Variants in IFNG-AS1 observed in about 807,000 individuals in gnomAD.
IFNG-AS1 encodes the protein IFNG regulatory antisense RNA 1, also known as IFNG antisense RNA 1 (non-protein coding).
chr12:67,995,313 C>T (rs1864970338), intron 1 of IFNG-AS1, among the ~76,000 whole-genome samples: 1 of 149,624 alleles, frequency 6.7e-6, no homozygotes, highest in Non-Finnish European at 1.5e-5. Flanking sequence ...CCCAGCTACT[C>T]AGGAGGCTGA....
intron 1 of IFNG-AS1, among the ~76,000 whole-genome samples, chr12:67,992,752 A>T (rs1005407415): frequency 6.6e-6 from 1 of 152,184 alleles, no homozygotes; most frequent in African/African-American, 2.4e-5. Flanking sequence ...ACCAAATTAG[A>T]CACTGTTTTT....
chr12:67,989,887 T>C (rs781027619), intron 1 of IFNG-AS1, among the ~76,000 whole-genome samples: 9 of 152,198 alleles, frequency 5.9e-5, no homozygotes, highest in Non-Finnish European at 1.2e-4. Context: ...GAAATGAACA[T>C]GTAGAACATT....
chr12:67,992,793 TG>T (rs1353682885), intron 1 of IFNG-AS1, among the ~76,000 whole-genome samples: 1 of 152,234 alleles, frequency 6.6e-6, no homozygotes, highest in African/African-American at 2.4e-5. Flanking sequence ...AAGCAAGTGT[TG>T]ACTTTGCACA....
chr12:68,006,726 T>A (rs1371562380), intron 3 of IFNG-AS1, among the ~76,000 whole-genome samples: 1 of 152,228 alleles, frequency 6.6e-6, no homozygotes, highest in Non-Finnish European at 1.5e-5. Context: ...CAGAAAGAGA[T>A]TCTCCTGCTG....
Position 67,990,610 on chromosome 12 carries a change from T to C in IFNG-AS1, n.51+1031T>C, listed in dbSNP as rs7314346. ...AAATACATTAATACTTTTTTTTTTTTTGAGATGGAGTCTCGCACTGTCGAC... is the reference window on the plus strand; with the variant it reads ...AAATACATTAATACTTTTTTTTTTTCTGAGATGGAGTCTCGCACTGTCGAC... On this transcript the variant is annotated intron_variant and non_coding_transcript_variant, in intron 1 of 5. Transcript: ENST00000536914. 7.7e-3 allele frequency among the ~76,000 whole-genome samples: 1,154 copies of C among 149,182 alleles called. 17 individuals are homozygous for C. The highest frequency in any genetic ancestry group is 0.026 in the African/African-American group (1,070 of 40,512).
intron 1 of IFNG-AS1, among the ~76,000 whole-genome samples, chr12:67,992,150 A>T (rs1164317913): frequency 2.0e-5 from 3 of 152,174 alleles, no homozygotes; most frequent in Non-Finnish European, 4.4e-5. Context: ...CTCCATAGAC[A>T]CCTACAAATA....
At chr12:68,005,826 T>A (rs1220740070) in intron 2 of IFNG-AS1, among the ~76,000 whole-genome samples, 1 of 152,248 alleles carries the variant, frequency 6.6e-6, no homozygotes, top group Admixed American at 6.5e-5. Flanking sequence ...GCATTTATTA[T>A]TATACCTTTG....
In IFNG-AS1 at chr12:68,001,033, A is replaced by G. The variant is rs187588114; in HGVS notation, n.184+4960A>G. Among the ~76,000 whole-genome samples the G allele has an allele frequency of 4.4e-3, 677 of 152,304 alleles. 6 individuals carry two copies. Among genetic ancestry groups the G allele is most frequent in the African/African-American group, 0.016 (651 of 41,556 alleles). On this transcript the variant is annotated intron_variant and non_coding_transcript_variant, in intron 2 of 5. Transcript: ENST00000536914. The stretch of plus-strand genomic sequence containing the variant: ...GCCTATTTTATAGACCACAAGACTC[A>G]TCACTACTCAATAGTTACCTCACAC...
At chr12:68,009,373 C>T (rs1592826643) in intron 3 of IFNG-AS1, among the ~76,000 whole-genome samples, 1 of 152,166 alleles carries the variant, frequency 6.6e-6, no homozygotes, top group Non-Finnish European at 1.5e-5. Context: ...GAGACAGTCT[C>T]GCTCTGTTGC....
At chr12:68,016,009 T>C (rs571516800) in intron 3 of IFNG-AS1, among the ~76,000 whole-genome samples, 1 of 152,234 alleles carries the variant, frequency 6.6e-6, no homozygotes, top group East Asian at 1.9e-4. Flanking sequence ...ATCTCTCTCA[T>C]TCCTAATCTA....
chr12:68,008,148 G>GGCTCAT (rs1879946405), intron 3 of IFNG-AS1, among the ~76,000 whole-genome samples: 1 of 152,196 alleles, frequency 6.6e-6, no homozygotes, highest in Non-Finnish European at 1.5e-5. Flanking sequence ...CAGGCGCAGT[G>GGCTCAT]GCTCATGCCT....
chr12:67,990,112 A>C (rs1268736018), intron 1 of IFNG-AS1, among the ~76,000 whole-genome samples: 1 of 152,218 alleles, frequency 6.6e-6, no homozygotes, highest in East Asian at 1.9e-4. Flanking sequence ...ATTGTAATTA[A>C]AACTACTAAT....
intron 3 of IFNG-AS1, among the ~76,000 whole-genome samples, chr12:68,009,604 G>T (rs1235433912): frequency 2.0e-5 from 3 of 152,196 alleles, no homozygotes; most frequent in Non-Finnish European, 4.4e-5. Context: ...GTCTCCCAAA[G>T]TGCTGGCATT....
intron 4 of IFNG-AS1, chr12:68,021,162 C>T (rs1880278937): frequency 6.6e-6 from 1 of 152,016 alleles, no homozygotes; most frequent in Non-Finnish European, 1.5e-5. Context: ...TTTAACTACT[C>T]CCTAAATATT....
At chr12:68,009,487 G>C (rs879836339) in intron 3 of IFNG-AS1, among the ~76,000 whole-genome samples, 1 of 151,948 alleles carries the variant, frequency 6.6e-6, no homozygotes, top group Admixed American at 6.6e-5. Context: ...GACTACAGGC[G>C]CCCGCCACCA....
chr12:68,012,030 C>A (rs1166096560), intron 3 of IFNG-AS1, among the ~76,000 whole-genome samples: 1 of 151,990 alleles, frequency 6.6e-6, no homozygotes, highest in Non-Finnish European at 1.5e-5. Context: ...GTGTTAATTT[C>A]ATCAGAAAGA....
At chr12:67,997,467 T>C (rs907693435) in intron 2 of IFNG-AS1, among the ~76,000 whole-genome samples, 3 of 151,840 alleles carry the variant, frequency 2.0e-5, no homozygotes, top group Non-Finnish European at 4.4e-5. Context: ...TAGATCCATA[T>C]CTCACACCAT....
chr12:68,008,094 C>A (rs1879945365), intron 3 of IFNG-AS1, among the ~76,000 whole-genome samples: 1 of 152,172 alleles, frequency 6.6e-6, no homozygotes, highest in South Asian at 2.1e-4. Context: ...AGACTAGCTA[C>A]CTCAGAATTG....
intron 1 of IFNG-AS1, among the ~76,000 whole-genome samples, chr12:67,995,162 G>A (rs371031894): frequency 1.5e-4 from 23 of 152,094 alleles, no homozygotes; most frequent in East Asian, 9.7e-4. Flanking sequence ...GGTGGCTCAC[G>A]TCTGTAATCC....
Sources: allele counts gnomAD v4.1 joint callset (sites outside exome capture counted in the v4.1 genomes callset), GRCh38; gene constraint gnomAD v4.1.1; transcripts MANE v1.5; gene names NCBI Gene and HGNC (gene_info 2026-07-23, HGNC 2026-07-21).